Variants in STX8 observed in about 807,000 individuals in gnomAD.
STX8 encodes the protein syntaxin 8.
In STX8, 23 loss-of-function variants were observed where a neutral mutation model predicts 37.5. The observed-to-expected ratio is 0.61, with a 90% CI of 0.44 to 0.87. The LOEUF (loss-of-function observed/expected upper bound fraction) is 0.87. Among genes scored for constraint, STX8 ranks in the 40% least tolerant of loss-of-function variants. The pLI is 0.00. For missense variants in STX8, 313 were observed against 284.7 expected (o/e 1.10, Z -0.71); for synonymous variants, 115 against 99.1 (o/e 1.16, Z -0.95).
intron 7 of STX8, among the ~76,000 whole-genome samples, chr17:9,360,364 A>G (rs1196216051): frequency 6.7e-6 from 1 of 149,964 alleles, no homozygotes; most frequent in Non-Finnish European, 1.5e-5. Flanking sequence ...CCTCCCGAGT[A>G]GCTGGGATTA....
intron 6 of STX8, among the ~76,000 whole-genome samples, chr17:9,418,439 A>G (rs1913275748): frequency 6.6e-6 from 1 of 151,304 alleles, no homozygotes; most frequent in South Asian, 2.1e-4. Context: ...ACAATCTAAG[A>G]GGATTTATTC....
chr17:9,280,385 T>C (rs1907839763), intron 7 of STX8, among the ~76,000 whole-genome samples: 1 of 152,116 alleles, frequency 6.6e-6, no homozygotes, highest in African/African-American at 2.4e-5. Context: ...CAAACCCCGT[T>C]GCTATTAAAA....
At chr17:9,412,994 AAT>A (rs1319552557) in intron 6 of STX8, among the ~76,000 whole-genome samples, 1 of 152,222 alleles carries the variant, frequency 6.6e-6, no homozygotes, top group Non-Finnish European at 1.5e-5. Context: ...GTGCCTATTT[AAT>A]AGTAACTGGA....
intron 7 of STX8, among the ~76,000 whole-genome samples, chr17:9,270,481 C>G (rs1907415198): frequency 6.6e-6 from 1 of 151,956 alleles, no homozygotes; most frequent in African/African-American, 2.4e-5. Context: ...GGTCTGATCT[C>G]CTGACCTTGT....
chr17:9,433,349 G>A (rs1914042287), intron 6 of STX8, among the ~76,000 whole-genome samples: 1 of 152,192 alleles, frequency 6.6e-6, no homozygotes, highest in Non-Finnish European at 1.5e-5. Context: ...TCATAGCTTT[G>A]TCGTGAGCAC....
chr17:9,506,452 T>C (rs1234645481), intron 4 of STX8, among the ~76,000 whole-genome samples: 1 of 109,302 alleles, frequency 9.1e-6, no homozygotes, highest in East Asian at 3.1e-4. Context: ...ACTAAGGCAA[T>C]GAATAAACAG....
intron 1 of STX8, among the ~76,000 whole-genome samples, chr17:9,568,815 G>T (rs996062134): frequency 6.6e-6 from 1 of 152,144 alleles, no homozygotes; most frequent in Admixed American, 6.6e-5. Context: ...TTCTTTAAAA[G>T]AAATTTTTGC....
intron 7 of STX8, among the ~76,000 whole-genome samples, chr17:9,289,156 C>T (rs138904077): frequency 1.7e-3 from 256 of 152,196 alleles, no homozygotes; most frequent in Admixed American, 3.7e-3. Context: ...AAATTGTTTC[C>T]GGCCTAAAAT....
At chr17:9,551,985 T>C (rs900043034) in intron 3 of STX8, among the ~76,000 whole-genome samples, 1 of 152,152 alleles carries the variant, frequency 6.6e-6, no homozygotes, top group Non-Finnish European at 1.5e-5. Context: ...CTATCTACTT[T>C]TACTATCATG....
At position 9,426,017 on chromosome 17, in the gene STX8, A is replaced by G. The variant is rs572519793; in HGVS notation, c.542-47364T>C. On this transcript the variant is annotated intron_variant, in intron 6 of 7. Transcript: ENST00000306357. The stretch of plus-strand genomic sequence containing the variant: ...TGTCTCTCTCTTCTCAAGTAGGATC[A>G]GCCAACCACTAAAAAGCACCCTGTT... Among the ~76,000 whole-genome samples, 168 of 152,188 alleles carry G rather than the reference A, an allele frequency of 1.1e-3. 3 individuals are homozygous for G. Among genetic ancestry groups the G allele is most frequent in the African/African-American group, 3.9e-3 (160 of 41,484 alleles).
At chr17:9,292,202 A>T (rs537668596) in intron 7 of STX8, among the ~76,000 whole-genome samples, 4 of 152,376 alleles carry the variant, frequency 2.6e-5, no homozygotes, top group African/African-American at 9.6e-5. Flanking sequence ...CACAAAGAAG[A>T]ACCTCAGACA....
chr17:9,386,278 C>T (rs1024739534), intron 6 of STX8, among the ~76,000 whole-genome samples: 10 of 152,068 alleles, frequency 6.6e-5, no homozygotes, highest in African/African-American at 2.4e-4. Flanking sequence ...CTCATGCATG[C>T]CACAACTGTC....
chr17:9,373,510 TATAC>T (rs761092521), intron 7 of STX8, among the ~76,000 whole-genome samples: 16 of 152,172 alleles, frequency 1.1e-4, no homozygotes, highest in Non-Finnish European at 1.9e-4. Flanking sequence ...GATATAAAAG[TATAC>T]ATATGATCCC....
At chr17:9,441,951 A>AGGCG (rs1345083729) in intron 6 of STX8, among the ~76,000 whole-genome samples, 1 of 151,840 alleles carries the variant, frequency 6.6e-6, no homozygotes, top group Non-Finnish European at 1.5e-5. Flanking sequence ...CTGGGATTAC[A>AGGCG]TACCGCGCCT....
At chr17:9,496,751 C>A (rs1904420270) in intron 5 of STX8, among the ~76,000 whole-genome samples, 1 of 152,170 alleles carries the variant, frequency 6.6e-6, no homozygotes, top group Non-Finnish European at 1.5e-5. Context: ...GAGAACCTTT[C>A]CCAGCTGCCA....
intron 7 of STX8, among the ~76,000 whole-genome samples, chr17:9,289,917 A>C (rs1908256488): frequency 6.6e-6 from 1 of 152,250 alleles, no homozygotes; most frequent in Non-Finnish European, 1.5e-5. Flanking sequence ...TATGGTCAAA[A>C]TGAAAACAAT....
chr17:9,320,419 T>G (rs1909539014), intron 7 of STX8, among the ~76,000 whole-genome samples: 1 of 151,908 alleles, frequency 6.6e-6, no homozygotes, highest in East Asian at 1.9e-4. Context: ...AGACAATAAA[T>G]GTTAATATTC....
At chr17:9,285,969 TCCCA>T (rs938156782) in intron 7 of STX8, among the ~76,000 whole-genome samples, 1 of 151,958 alleles carries the variant, frequency 6.6e-6, no homozygotes, top group African/African-American at 2.4e-5. Flanking sequence ...TATTACCGCA[TCCCA>T]CACTTGCCAA....
chr17:9,558,592 T>A (rs922694980), intron 2 of STX8, among the ~76,000 whole-genome samples: 1 of 151,686 alleles, frequency 6.6e-6, no homozygotes, highest in African/African-American at 2.4e-5. Context: ...TCCCAGCACT[T>A]TGGGAGGCCG....
Sources: allele counts gnomAD v4.1 joint callset (sites outside exome capture counted in the v4.1 genomes callset), GRCh38; gene constraint gnomAD v4.1.1; transcripts MANE v1.5; gene names NCBI Gene and HGNC (gene_info 2026-07-23, HGNC 2026-07-21).